The following SMAD9 variants were observed in gnomAD, a reference collection of about 807,000 sequenced individuals.
SMAD9 encodes MAD homolog 9.
A neutral mutation model predicts 46.1 loss-of-function variants in SMAD9; 36 were observed. The ratio of observed to expected loss-of-function variants is 0.78; its 90% CI spans 0.60 to 1.03. The LOEUF (loss-of-function observed/expected upper bound fraction) is 1.03, where lower values mean the gene tolerates loss of function less well. SMAD9 is among the 50% of genes least tolerant of loss of function. The pLI is 0.00. For missense variants in SMAD9, 572 were observed against 599.8 expected (o/e 0.95, Z 0.48); for synonymous variants, 245 against 237.1 (o/e 1.03, Z -0.31).
intron 6 of SMAD9, chr13:36,850,179 G>A (rs935207108): frequency 6.6e-6 from 1 of 152,144 alleles, no homozygotes; most frequent in Non-Finnish European, 1.5e-5. Flanking sequence ...TGTGTTATGT[G>A]GGCAGCATTT....
Position 36,848,536 on chromosome 13 carries a change from G to A in SMAD9, c.*140C>T, listed in dbSNP as rs993547964. The A allele has an allele frequency of 2.3e-6, 2 of 872,820 alleles. No individual in the cohort carries two copies. The highest frequency in any genetic ancestry group is 3.8e-6 in the Non-Finnish European group (2 of 526,382). 54.1% of individuals were successfully genotyped at this position (872,820 alleles called of 1,614,324 possible). On this transcript the variant is annotated 3_prime_UTR_variant, in exon 7 of 7. Coordinates refer to ENST00000379826, the MANE Select transcript of SMAD9 (RefSeq NM_001127217.3). ...TTAACTAGAAAGCACAAAACAAACG[G>A]TGATTAAAAAAAATAAGAACAGTAT... is the stretch of plus-strand genomic sequence containing the variant.
rs775796364 is a variant in SMAD9 at position 36,853,407 on chromosome 13, A to G, written c.1260+12T>C. ...CTGAACATTTTATAACGTGATAGCAAGCACTCCTTACCTTAACAAAACTCA... is the reference window on the plus strand; with the variant it reads ...CTGAACATTTTATAACGTGATAGCAGGCACTCCTTACCTTAACAAAACTCA... On this transcript the variant is annotated intron_variant, in intron 6 of 6. Coordinates refer to ENST00000379826, the MANE Select transcript of SMAD9 (RefSeq NM_001127217.3). 2 of 1,613,548 alleles carry G rather than the reference A, an allele frequency of 1.2e-6. No individual in the cohort carries two copies. Among genetic ancestry groups the G allele is most frequent in the South Asian group, 2.2e-5 (2 of 91,070 alleles).
In SMAD9 at chr13:36,871,760, C is replaced by T. The variant is rs887177128; in HGVS notation, c.670+898G>A. On this transcript the variant is annotated intron_variant, in intron 3 of 6. Transcript: ENST00000379826. ...ACTAAGTAACTGAGAGGTGAAGAGG[C>T]AATTCCCTCTTTATCTTCCCACATC... Among the ~76,000 whole-genome samples, 3 of 152,158 alleles carry T rather than the reference C, an allele frequency of 2.0e-5. No individual in the cohort carries two copies. In the East Asian group the frequency reaches 5.8e-4, roughly 29 times the overall value.
Position 36,853,505 on chromosome 13 carries a change from G to C in SMAD9, c.1174C>G (p.Gln392Glu), listed in dbSNP as rs1428457776. ...TGGTGAACTGACTGGGCCAGGAGCT[G>C]AGCGAAGAGCTGGTTGTTGAAGACC... ...LKVFNNQLFA[Q>E]LLAQSVHHGF... Residue 392 changes from glutamine to glutamate, a missense_variant, in exon 6 of 7, where the codon CAG becomes GAG. Coordinates refer to ENST00000379826, the MANE Select transcript of SMAD9 (RefSeq NM_001127217.3). 2 of 1,614,150 alleles carry C rather than the reference G, an allele frequency of 1.2e-6. No homozygotes were observed. The highest frequency in any genetic ancestry group is 2.2e-5 in the South Asian group (2 of 91,080).
chr13:36,884,582 C>G (rs553156835), intron 1 of SMAD9, among the ~76,000 whole-genome samples: 100 of 152,186 alleles, frequency 6.6e-4, no homozygotes, highest in Non-Finnish European at 1.3e-3. Flanking sequence ...CATGCATACA[C>G]CATGATTTAA....
At chr13:36,854,391 G>A (rs1467128225) in intron 5 of SMAD9, among the ~76,000 whole-genome samples, 3 of 150,200 alleles carry the variant, frequency 2.0e-5, no homozygotes, top group South Asian at 2.1e-4. Flanking sequence ...TTTTTGAGAC[G>A]GAGTCTCGCT....
At chr13:36,915,978 C>T (rs536360578) in intron 1 of SMAD9, among the ~76,000 whole-genome samples, 1 of 152,244 alleles carries the variant, frequency 6.6e-6, no homozygotes, top group Admixed American at 6.5e-5. Context: ...TGGATTGTTA[C>T]ACAGAACATG....
At chr13:36,919,515 G>A (rs1261095718) in intron 1 of SMAD9, among the ~76,000 whole-genome samples, 1 of 152,128 alleles carries the variant, frequency 6.6e-6, no homozygotes, top group African/African-American at 2.4e-5. Context: ...CTACGAAACA[G>A]AAGGCAAGTG....
At position 36,848,535 on chromosome 13, in the gene SMAD9, G is replaced by A. The variant is rs907186857; in HGVS notation, c.*141C>T. On this transcript the variant is annotated 3_prime_UTR_variant, in exon 7 of 7. Transcript: ENST00000379826. Reference sequence around the variant, plus strand: ...GTTAACTAGAAAGCACAAAACAAACGGTGATTAAAAAAAATAAGAACAGTA... The same window carrying A: ...GTTAACTAGAAAGCACAAAACAAACAGTGATTAAAAAAAATAAGAACAGTA... 9 of 865,556 alleles carry A rather than the reference G, an allele frequency of 1.0e-5. No individual in the cohort carries two copies. The highest frequency in any genetic ancestry group is 4.3e-5 in the South Asian group (3 of 69,728). The allele number at this position is 865,556 out of a possible 1,614,324, so 53.6% of individuals were successfully genotyped here.
At chr13:36,897,814 T>C (rs557007461) in intron 1 of SMAD9, among the ~76,000 whole-genome samples, 1 of 151,238 alleles carries the variant, frequency 6.6e-6, no homozygotes, top group African/African-American at 2.4e-5. Flanking sequence ...AGTTCATTAG[T>C]GGAAACATTC....
rs1242511955 is a variant in SMAD9, at chr13:36,845,503, G to A, written c.*3173C>T. On this transcript the variant is annotated 3_prime_UTR_variant, in exon 7 of 7. Coordinates refer to ENST00000379826, the MANE Select transcript of SMAD9 (RefSeq NM_001127217.3). ...CTGGGTCTTGTGAGCAGACCGAAAT[G>A]TTACTACAGTGTTCTCTATTGTGTG... 1 of 77,088 alleles carries A rather than the reference G, an allele frequency of 1.3e-5. No individual in the cohort carries two copies. Among genetic ancestry groups the A allele is most frequent in the African/African-American group, 7.1e-5 (1 of 14,132 alleles). 4.8% of individuals were successfully genotyped at this position (77,088 alleles called of 1,614,324 possible).
At chr13:36,881,500 C>T (rs1022029841) in intron 1 of SMAD9, among the ~76,000 whole-genome samples, 2 of 152,170 alleles carry the variant, frequency 1.3e-5, no homozygotes, top group Non-Finnish European at 2.9e-5. Context: ...TTATCGGGCA[C>T]CTCAGGTGAG....
chr13:36,915,284 T>C (rs2058690088), intron 1 of SMAD9, among the ~76,000 whole-genome samples: 1 of 152,208 alleles, frequency 6.6e-6, no homozygotes, highest in South Asian at 2.1e-4. Flanking sequence ...GATAGAAAAC[T>C]GGCAACTGGA....
intron 1 of SMAD9, among the ~76,000 whole-genome samples, chr13:36,890,069 C>T (rs757208012): frequency 6.6e-6 from 1 of 152,144 alleles, no homozygotes; most frequent in Non-Finnish European, 1.5e-5. Context: ...TCCTTTTATT[C>T]AATGAACATT....
Position 36,865,743 on chromosome 13 carries a change from C to T in SMAD9, c.797G>A (p.Cys266Tyr). Residue 266 changes from cysteine (C) to tyrosine (Y), a missense_variant, in exon 5 of 7, where the codon TGT (cysteine) becomes TAT (tyrosine). By Grantham distance (194) the Cys-to-Tyr change is radical (BLOSUM62 -2). Coordinates refer to ENST00000379826, the MANE Select transcript of SMAD9 (RefSeq NM_001127217.3). Reference sequence around the variant, plus strand: ...GCACCAGTGCTGGGGCTCCTCGTAACAAACTGGTCGAAAGTCTGGAAGAAA... The same window carrying T: ...GCACCAGTGCTGGGGCTCCTCGTAATAAACTGGTCGAAAGTCTGGAAGAAA... ...SIPNGDFRPVCYEEPQHWCSV... is the reference protein window; with the variant it reads ...SIPNGDFRPVYYEEPQHWCSV... 2.5e-6 allele frequency: 4 copies of T among 1,614,002 alleles called. No individual in the cohort carries two copies. The highest frequency in any genetic ancestry group is 3.4e-6 in the Non-Finnish European group (4 of 1,179,940).
intron 1 of SMAD9, among the ~76,000 whole-genome samples, chr13:36,919,266 A>G (rs1325152321): frequency 6.6e-6 from 1 of 152,094 alleles, no homozygotes; most frequent in East Asian, 1.9e-4. Context: ...AGCCATCCAT[A>G]AAAATGTTCT....
At chr13:36,920,010 C>G (rs1446749727) in intron 1 of SMAD9, 106 bp downstream of exon 1, 2 of 150,538 alleles carry the variant, frequency 1.3e-5, no homozygotes, top group African/African-American at 4.8e-5. Context: ...GCACGTCTTA[C>G]CTGTCCCCGC....
At chr13:36,861,183 G>A (rs918927321) in intron 5 of SMAD9, among the ~76,000 whole-genome samples, 2 of 152,188 alleles carry the variant, frequency 1.3e-5, no homozygotes, top group Non-Finnish European at 2.9e-5. Context: ...CTGACAGGGT[G>A]GCAACATGAC....
At chr13:36,899,267 G>T (rs1396318684) in intron 1 of SMAD9, among the ~76,000 whole-genome samples, 2 of 152,184 alleles carry the variant, frequency 1.3e-5, no homozygotes, top group African/African-American at 4.8e-5. Context: ...AAACACTGCA[G>T]AAAGAAATTA....
Sources: allele counts gnomAD v4.1 joint callset (sites outside exome capture counted in the v4.1 genomes callset), GRCh38; gene constraint gnomAD v4.1.1; transcripts MANE v1.5; gene names NCBI Gene and HGNC (gene_info 2026-07-23, HGNC 2026-07-21).